CD2BP2: variants seen among roughly 807,000 people sequenced by gnomAD.
CD2BP2 encodes CD2 cytoplasmic tail binding protein 2.
A neutral mutation model predicts 35.9 loss-of-function variants in CD2BP2; 27 were observed. The ratio of observed to expected loss-of-function variants is 0.75; its 90% CI spans 0.55 to 1.04. CD2BP2 has a LOEUF of 1.04. Among genes scored for constraint, CD2BP2 ranks in the 50% least tolerant of loss-of-function variants. The pLI is 0.00. For synonymous variants in CD2BP2, 213 were observed against 173.5 expected, an observed-to-expected ratio of 1.23 and a Z score of -1.79; for missense variants, 497 against 444.3, an observed-to-expected ratio of 1.12 and a Z score of -1.07.
chr16:30,354,128 C>T, intron 3 of CD2BP2, 56 bp downstream of exon 3: 2 of 1,612,990 alleles, frequency 1.2e-6, no homozygotes, highest in African/African-American at 1.3e-5. Flanking sequence ...TCGCTCCACA[C>T]CACCAGAGGC....
At position 30,352,901 on chromosome 16, in the gene CD2BP2, A is replaced by G; in HGVS notation, c.*84T>C. 1.1e-6 allele frequency: 1 copy of G among 877,782 alleles called. No homozygotes were observed. Among genetic ancestry groups the G allele is most frequent in the South Asian group, 1.4e-5 (1 of 73,230 alleles). The allele number at this position is 877,782 out of a possible 1,614,324, so 54.4% of individuals were successfully genotyped here. On this transcript the variant is annotated 3_prime_UTR_variant, in exon 7 of 7. Coordinates refer to ENST00000305596, the MANE Select transcript of CD2BP2 (RefSeq NM_006110.3). Reference sequence around the variant, plus strand: ...GGAAATTGACTGAAAAATGGCCTCCAATTTCCTCGCTGCCTGAGACACTTG... The same window carrying G: ...GGAAATTGACTGAAAAATGGCCTCCGATTTCCTCGCTGCCTGAGACACTTG...
rs1204254224 is a variant in CD2BP2 at position 30,354,288 on chromosome 16, C to T, written c.113G>A (p.Gly38Glu). 6.2e-7 allele frequency: 1 copy of T among 1,614,074 alleles called. No homozygotes were observed. Among genetic ancestry groups the T allele is most frequent in the Non-Finnish European group, 8.5e-7 (1 of 1,179,984 alleles). ...AGAGTGTTTGCCTTTAAAGCGGCTC[C>T]CAGGACCCCCTGACCCAGCCACAGG... ...VDPVAGSGGP[G>E]SRFKGKHSLD... Residue 38 changes from glycine to glutamate, a missense_variant, in exon 3 of 7, where the codon GGG becomes GAG. By Grantham distance (98) the Gly-to-Glu change is moderately conservative. Transcript: ENST00000305596.
In CD2BP2 at chr16:30,353,881, C is replaced by CG; in HGVS notation, c.375+19dup. 6.2e-7 allele frequency: 1 copy of CG among 1,613,042 alleles called. No individual in the cohort carries two copies. The highest frequency in any genetic ancestry group is 8.5e-7 in the Non-Finnish European group (1 of 1,179,802). ...ATCTGCCACTCCCAGGCCCCAGCCA[C>CG]GCCAGCCCCTGGGCCGCACCCAGTC... On this transcript the variant is annotated intron_variant, in intron 4 of 6. Coordinates refer to ENST00000305596, the MANE Select transcript of CD2BP2 (RefSeq NM_006110.3).
chr16:30,354,516 G>C, intron 2 of CD2BP2, 88 bp downstream of exon 2: 1 of 1,471,582 alleles, frequency 6.8e-7, no homozygotes, highest in Admixed American at 1.7e-5. Context: ...TTCTCTGCCT[G>C]CCCGCCCCGC....
In CD2BP2 at chr16:30,354,153, C is replaced by G. The variant is rs893172636; in HGVS notation, c.217+31G>C. The stretch of plus-strand genomic sequence containing the variant: ...CCACCAGAGGCCCCTACTTGTTTTT[C>G]CAGCAGAGTGTATTCTTGGGTACAG... On this transcript the variant is annotated intron_variant, in intron 3 of 6. Coordinates refer to ENST00000305596, the MANE Select transcript of CD2BP2 (RefSeq NM_006110.3). 3.1e-6 allele frequency: 5 copies of G among 1,613,290 alleles called. No individual in the cohort carries two copies. In the African/African-American group the frequency reaches 6.7e-5, roughly 22 times the overall value.
In CD2BP2 at chr16:30,353,162, G is replaced by A. The variant is rs1487041130; in HGVS notation, c.915+19C>T. 1.9e-6 allele frequency: 3 copies of A among 1,609,354 alleles called. No individual in the cohort carries two copies. The highest frequency in any genetic ancestry group is 1.1e-5 in the South Asian group (1 of 90,996). On this transcript the variant is annotated intron_variant, in intron 6 of 6. Transcript: ENST00000305596. ...GGGGGAAGCAGGGACAAGGCAGGAG[G>A]AGGGAGAAAGCAGCTCACCTGCATC...
In CD2BP2 at chr16:30,352,990, T is replaced by C. The variant is rs1419731782; in HGVS notation, c.1021A>G (p.Thr341Ala). The change falls in exon 7 of 7, where the codon ACC (threonine) becomes GCC (alanine). Residue 341 changes from threonine (T) to alanine (A), a missense_variant. Transcript: ENST00000305596. ...NSKRIDFDLY[T>A] ...AAACTGGGCCCCCAGCAGGCTCAGGTGTAGAGGTCAAAGTCAATGCGTTTG... is the reference window on the plus strand; with the variant it reads ...AAACTGGGCCCCCAGCAGGCTCAGGCGTAGAGGTCAAAGTCAATGCGTTTG... 1 of 1,606,280 alleles carries C rather than the reference T, an allele frequency of 6.2e-7. No individual in the cohort carries two copies. The highest frequency in any genetic ancestry group is 1.3e-5 in the African/African-American group (1 of 74,668).
Position 30,352,144 on chromosome 16 carries a change from T to C in CD2BP2, c.*841A>G, listed in dbSNP as rs1352293823. 6.6e-6 allele frequency: 1 copy of C among 152,300 alleles called. No homozygotes were observed. The highest frequency in any genetic ancestry group is 1.5e-5 in the Non-Finnish European group (1 of 68,080). The allele number at this position is 152,300 out of a possible 1,614,324, so 9.4% of individuals were successfully genotyped here. On this transcript the variant is annotated 3_prime_UTR_variant, in exon 7 of 7. Coordinates refer to ENST00000305596, the MANE Select transcript of CD2BP2 (RefSeq NM_006110.3). ...CACTAGCCCTGTGCCAGGCACATAG[T>C]GGGGTCCAGAGAATGTAGGCCGCAG... is the stretch of plus-strand genomic sequence containing the variant.
chr16:30,353,886 G>T lies in CD2BP2; in HGVS notation c.375+15C>A. The T allele has an allele frequency of 6.2e-7, 1 of 1,613,310 alleles. No homozygotes were observed. The stretch of plus-strand genomic sequence containing the variant: ...CCACTCCCAGGCCCCAGCCACGCCA[G>T]CCCCTGGGCCGCACCCAGTCAATGT... On this transcript the variant is annotated intron_variant, in intron 4 of 6. Coordinates refer to ENST00000305596, the MANE Select transcript of CD2BP2 (RefSeq NM_006110.3).
At chr16:30,354,354 C>T (rs2049515324) in intron 2 of CD2BP2, 32 bp from the exon 3 acceptor site, 12 of 1,600,484 alleles carry the variant, frequency 7.5e-6, no homozygotes, top group Non-Finnish European at 1.0e-5. Context: ...TTGAGAAATG[C>T]AGGTTACTGG....
In CD2BP2 at chr16:30,353,166, G is replaced by A. The variant is rs1396680387; in HGVS notation, c.915+15C>T. On this transcript the variant is annotated intron_variant, in intron 6 of 6. Transcript: ENST00000305596. The stretch of plus-strand genomic sequence containing the variant: ...GAAGCAGGGACAAGGCAGGAGGAGG[G>A]AGAAAGCAGCTCACCTGCATCTGGG... 1.9e-5 allele frequency: 31 copies of A among 1,611,878 alleles called. No individual in the cohort carries two copies. Among genetic ancestry groups the A allele is most frequent in the Non-Finnish European group, 2.4e-5 (28 of 1,177,962 alleles).
rs1222201273 is a variant in CD2BP2, at chr16:30,354,035, T to A, written c.241A>T (p.Ser81Cys). ...GGTGTGATCCGAACACCCCCCTCGC[T>A]GGGGAGTGTGGCTGCCTCCTGACCT... ...VEGQEAATLPSEGGVRITPFN... is the reference protein window; with the variant it reads ...VEGQEAATLPCEGGVRITPFN... Residue 81 changes from serine to cysteine, a missense_variant, in exon 4 of 7, where the codon AGC becomes TGC. Coordinates refer to ENST00000305596, the MANE Select transcript of CD2BP2 (RefSeq NM_006110.3). The A allele has an allele frequency of 6.2e-7, 1 of 1,614,122 alleles. No homozygotes were observed. The highest frequency in any genetic ancestry group is 1.1e-5 in the South Asian group (1 of 91,086).
rs1489299431 is a variant in CD2BP2 at position 30,352,721 on chromosome 16, C to T, written c.*264G>A. 7 of 510,688 alleles carry T rather than the reference C, an allele frequency of 1.4e-5. No homozygotes were observed. The Middle Eastern group carries it at 1.6e-3, about 116-fold the overall frequency. 31.6% of individuals were successfully genotyped at this position (510,688 alleles called of 1,614,324 possible). A position where few individuals can be genotyped will look rare whatever the true frequency, so the allele number is the denominator to read the frequency against. On this transcript the variant is annotated 3_prime_UTR_variant, in exon 7 of 7. Transcript: ENST00000305596. ...GGCAAGCAGAGTCCAGGCAGGGAGG[C>T]CACAGGATACCTGACAGGCACCTCC...
In CD2BP2 at chr16:30,354,620, A is replaced by G. The variant is rs1194576653; in HGVS notation, c.62T>C (p.Ile21Thr). ...CCCCCTCACCTTCTTCTTGGGGACA[A>G]TGATTTCATCCTCATCCTCCTCATC... is the stretch of plus-strand genomic sequence containing the variant. The part of the protein sequence containing the change: ...VGDEEDEDEI[I>T]VPKKKLVDPV... Residue 21 changes from isoleucine (I) to threonine (T), a missense_variant, in exon 2 of 7, where the codon ATT becomes ACT. Transcript: ENST00000305596. 3.7e-6 allele frequency: 6 copies of G among 1,613,808 alleles called. No homozygotes were observed. The South Asian group carries it at 6.6e-5, about 18-fold the overall frequency.
chr16:30,352,928 T>A lies in CD2BP2; in HGVS notation c.*57A>T, dbSNP rs1342712939. ...TTTCCTCGCTGCCTGAGACACTTGG[T>A]GCCTCCTCCACAAAGTCCAGGAAAG... On this transcript the variant is annotated 3_prime_UTR_variant, in exon 7 of 7. Transcript: ENST00000305596. 1.8e-6 allele frequency: 2 copies of A among 1,084,326 alleles called. No individual in the cohort carries two copies. Among genetic ancestry groups the A allele is most frequent in the East Asian group, 4.7e-5 (2 of 42,464 alleles). 67.2% of individuals were successfully genotyped at this position (1,084,326 alleles called of 1,614,324 possible).
chr16:30,354,425 G>T, intron 2 of CD2BP2, 103 bp from the exon 3 acceptor site: 8 of 1,434,904 alleles, frequency 5.6e-6, no homozygotes, highest in South Asian at 2.6e-5. Flanking sequence ...TCAGGATCTC[G>T]ACTACTTCCC....
Position 30,353,460 on chromosome 16 carries a change from G to A in CD2BP2, c.716C>T (p.Pro239Leu), listed in dbSNP as rs774979276. 5 of 1,614,088 alleles carry A rather than the reference G, an allele frequency of 3.1e-6. No homozygotes were observed. Among genetic ancestry groups the A allele is most frequent in the Non-Finnish European group, 4.2e-6 (5 of 1,180,000 alleles). ...LKGLGCQTLG[P>L]HNPTPPPSLD... ...GGAGGGTGGGGGTGTGGGATTGTGG[G>A]GTCCTAGGGTCTGACACCCCAAACC... The change falls in exon 5 of 7, where the codon CCC (proline) becomes CTC (leucine). Residue 239 changes from proline (P) to leucine (L), a missense_variant. Transcript: ENST00000305596.
rs1262795312 is a variant in CD2BP2, at chr16:30,353,348, C to T, written c.808+20G>A. On this transcript the variant is annotated intron_variant, in intron 5 of 6. Transcript: ENST00000305596. ...TCTCACTTCCTACCCACTGCCCCCT[C>T]CTCTGTCCTCCAAGCTCACCTCCTC... is the stretch of plus-strand genomic sequence containing the variant. 1.2e-6 allele frequency: 2 copies of T among 1,613,770 alleles called. No individual in the cohort carries two copies.
chr16:30,352,923 C>A lies in CD2BP2; in HGVS notation c.*62G>T. Reference sequence around the variant, plus strand: ...TCCAATTTCCTCGCTGCCTGAGACACTTGGTGCCTCCTCCACAAAGTCCAG... The same window carrying A: ...TCCAATTTCCTCGCTGCCTGAGACAATTGGTGCCTCCTCCACAAAGTCCAG... On this transcript the variant is annotated 3_prime_UTR_variant, in exon 7 of 7. Coordinates refer to ENST00000305596, the MANE Select transcript of CD2BP2 (RefSeq NM_006110.3). 1 of 1,057,558 alleles carries A rather than the reference C, an allele frequency of 9.5e-7. No individual in the cohort carries two copies. Among genetic ancestry groups the A allele is most frequent in the Non-Finnish European group, 1.5e-6 (1 of 676,830 alleles). 65.5% of individuals were successfully genotyped at this position (1,057,558 alleles called of 1,614,324 possible).
Sources: allele counts gnomAD v4.1 joint callset, GRCh38; gene constraint gnomAD v4.1.1; transcripts MANE v1.5; gene names NCBI Gene and HGNC (gene_info 2026-07-23, HGNC 2026-07-21).